Variants in PDGFD observed in about 807,000 individuals in gnomAD.
PDGFD encodes the protein platelet derived growth factor D.
Under a neutral mutation model 44.7 loss-of-function variants are expected in PDGFD, and 30 were observed. The ratio of observed to expected loss-of-function variants is 0.67; its 90% CI spans 0.50 to 0.91. The LOEUF (loss-of-function observed/expected upper bound fraction) is 0.91. PDGFD is among the 40% of genes least tolerant of loss of function. PDGFD has a pLI of 0.00. For missense variants in PDGFD, 445 were observed against 457.8 expected (o/e 0.97, Z 0.25); for synonymous variants, 173 against 168.4 (o/e 1.03, Z -0.21).
At position 103,921,165 on chromosome 11, in the gene PDGFD, C is replaced by G. The variant is rs141230674; in HGVS notation, c.987+5747G>C. 5.9e-3 allele frequency among the ~76,000 whole-genome samples: 892 copies of G among 152,240 alleles called. 11 individuals are homozygous for G. The highest frequency in any genetic ancestry group is 0.02 in the African/African-American group (815 of 41,560). The stretch of plus-strand genomic sequence containing the variant: ...TAGGAAAACATCACAGACCATGAGG[C>G]TTCACTTAAAGGTGGAGAAAGGACA... On this transcript the variant is annotated intron_variant, in intron 6 of 6. Coordinates refer to ENST00000393158, the MANE Select transcript of PDGFD (RefSeq NM_025208.5).
At chr11:103,943,406 A>C in intron 5 of PDGFD, 46 bp downstream of exon 5, 2 of 1,549,228 alleles carry the variant, frequency 1.3e-6, no homozygotes, top group Non-Finnish European at 1.8e-6. Context: ...TGTACTGTTA[A>C]GATTTCTATG....
chr11:103,937,274 C>T (rs1858504241), intron 5 of PDGFD, among the ~76,000 whole-genome samples: 2 of 152,116 alleles, frequency 1.3e-5, no homozygotes, highest in African/African-American at 4.8e-5. Flanking sequence ...TTAATCAAAA[C>T]ACAAGCTTTG....
chr11:104,073,811 G>A (rs361308), intron 1 of PDGFD, among the ~76,000 whole-genome samples: 70,629 of 151,978 alleles, frequency 0.46, 18,032 homozygotes, highest in African/African-American at 0.68. Flanking sequence ...CATTGCTGAG[G>A]ACTGCATATT....
At chr11:104,057,841 C>A (rs1370221207) in intron 1 of PDGFD, among the ~76,000 whole-genome samples, 1 of 152,050 alleles carries the variant, frequency 6.6e-6, no homozygotes, top group Middle Eastern at 3.2e-3. Context: ...CCATAGAACA[C>A]AATAGAGTCC....
intron 6 of PDGFD, among the ~76,000 whole-genome samples, chr11:103,925,698 T>TAC (rs1360092359): frequency 4.3e-5 from 3 of 69,280 alleles, no homozygotes; most frequent in Non-Finnish European, 6.5e-5. Flanking sequence ...TATATATATA[T>TAC]ACACAGACAC....
intron 3 of PDGFD, among the ~76,000 whole-genome samples, chr11:103,974,988 T>A (rs963499354): frequency 2.6e-5 from 4 of 152,192 alleles, no homozygotes; most frequent in African/African-American, 9.7e-5. Flanking sequence ...TAAAATGATT[T>A]ATAATTCTTT....
At chr11:103,911,808 G>T (rs941603452) in intron 6 of PDGFD, among the ~76,000 whole-genome samples, 1 of 151,772 alleles carries the variant, frequency 6.6e-6, no homozygotes, top group Admixed American at 6.6e-5. Context: ...GCTGAAAAAC[G>T]CAAGACAAGA....
intron 1 of PDGFD, among the ~76,000 whole-genome samples, chr11:104,122,394 T>C (rs978664674): frequency 2.0e-5 from 3 of 152,022 alleles, no homozygotes; most frequent in African/African-American, 7.2e-5. Flanking sequence ...TAACCAGCTT[T>C]TCTTTATGCA....
chr11:103,980,543 G>A (rs148512308), intron 3 of PDGFD, among the ~76,000 whole-genome samples: 158 of 152,100 alleles, frequency 1.0e-3, no homozygotes, highest in African/African-American at 3.0e-3. Flanking sequence ...TGTGGGTGTC[G>A]AACTGGGAAG....
intron 1 of PDGFD, among the ~76,000 whole-genome samples, chr11:104,133,065 T>G (rs986038445): frequency 2.0e-5 from 3 of 152,032 alleles, no homozygotes; most frequent in Admixed American, 2.0e-4. Flanking sequence ...CAGGCCAGAG[T>G]TGACCAATGT....
chr11:104,083,810 G>T (rs1464305278), intron 1 of PDGFD, among the ~76,000 whole-genome samples: 1 of 152,210 alleles, frequency 6.6e-6, no homozygotes, highest in Non-Finnish European at 1.5e-5. Flanking sequence ...CCCATTTTGA[G>T]AAGAATGAGT....
At chr11:104,108,866 C>T (rs1861506375) in intron 1 of PDGFD, among the ~76,000 whole-genome samples, 1 of 152,128 alleles carries the variant, frequency 6.6e-6, no homozygotes, top group South Asian at 2.1e-4. Context: ...GAATACTATG[C>T]AGCTATAAGA....
intron 1 of PDGFD, among the ~76,000 whole-genome samples, chr11:104,107,503 A>G (rs1861488960): frequency 6.6e-6 from 1 of 152,204 alleles, no homozygotes; most frequent in South Asian, 2.1e-4. Flanking sequence ...TTTCTGAGTC[A>G]CCAAATCTGT....
chr11:104,039,036 C>T (rs1860303773), intron 1 of PDGFD: 1 of 167,062 alleles, frequency 6.0e-6, no homozygotes, highest in South Asian at 2.1e-4. Context: ...GTGTTTATTA[C>T]AACTGACAGT....
In PDGFD at chr11:104,134,016, CT is replaced by C. The variant is rs1313563515; in HGVS notation, c.124+29787del. 7.4e-4 allele frequency among the ~76,000 whole-genome samples: 113 copies of C among 152,178 alleles called. 1 individual carries two copies. The highest frequency in any genetic ancestry group is 2.6e-3 in the African/African-American group (107 of 41,452). ...AATCTCCTTGTTTCTCTGAATGAAT[CT>C]CACAACTACATGCATTTTAGTAGCA... is the stretch of plus-strand genomic sequence containing the variant. On this transcript the variant is annotated intron_variant, in intron 1 of 6. Coordinates refer to ENST00000393158, the MANE Select transcript of PDGFD (RefSeq NM_025208.5).
chr11:104,029,391 T>C (rs549000196), intron 1 of PDGFD, among the ~76,000 whole-genome samples: 9 of 152,358 alleles, frequency 5.9e-5, no homozygotes, highest in South Asian at 2.1e-4. Flanking sequence ...TTAAATTCTA[T>C]AGACAGATGG....
chr11:104,001,112 C>G (rs1859612911), intron 1 of PDGFD, among the ~76,000 whole-genome samples: 1 of 152,214 alleles, frequency 6.6e-6, no homozygotes, highest in African/African-American at 2.4e-5. Context: ...TTATGACATT[C>G]AACCTGATCT....
chr11:103,976,653 T>C (rs1486822659), intron 3 of PDGFD, among the ~76,000 whole-genome samples: 1 of 152,066 alleles, frequency 6.6e-6, no homozygotes, highest in Non-Finnish European at 1.5e-5. Flanking sequence ...CAGTACGATA[T>C]TGGCTATGGG....
At chr11:104,035,663 C>G (rs985374380) in intron 1 of PDGFD, among the ~76,000 whole-genome samples, 4 of 145,246 alleles carry the variant, frequency 2.8e-5, no homozygotes, top group African/African-American at 1.0e-4. Context: ...ATTGGCTCAA[C>G]TAATTTTTTT....
Sources: gnomAD v4.1 joint callset for allele counts (sites outside exome capture counted in the v4.1 genomes callset) on GRCh38, gnomAD v4.1.1 for gene constraint, MANE v1.5 for transcripts, NCBI Gene and HGNC (gene_info 2026-07-23, HGNC 2026-07-21) for gene names.